The following MYRFL variants were observed in gnomAD, a reference collection of about 807,000 sequenced individuals.
MYRFL encodes myelin regulatory factor-like protein.
Under a neutral mutation model 109.4 loss-of-function variants are expected in MYRFL, and 88 were observed. The observed-to-expected ratio is 0.80, with a 90% CI of 0.68 to 0.96. MYRFL has a LOEUF of 0.96. MYRFL is among the 40% of genes least tolerant of loss of function. MYRFL has a pLI of 0.00. For synonymous variants in MYRFL, 324 were observed against 320.9 expected (o/e 1.01, Z -0.10); for missense variants, 957 against 954.9 (o/e 1.00, Z -0.03).
chr12:69,852,712 T>C (rs1289573121), intron 1 of MYRFL, among the ~76,000 whole-genome samples: 1 of 151,686 alleles, frequency 6.6e-6, no homozygotes, highest in Non-Finnish European at 1.5e-5. Flanking sequence ...GTCTCTGGTT[T>C]TCCTAGGCAG....
chr12:69,854,550 A>AT (rs1486904751), intron 1 of MYRFL, among the ~76,000 whole-genome samples: 2 of 151,762 alleles, frequency 1.3e-5, no homozygotes, highest in African/African-American at 2.4e-5. Flanking sequence ...TGTCTGGCTA[A>AT]TTTTTTTGTA....
At chr12:69,875,218 T>C (rs979689214) in intron 2 of MYRFL, among the ~76,000 whole-genome samples, 1 of 151,756 alleles carries the variant, frequency 6.6e-6, no homozygotes, top group Non-Finnish European at 1.5e-5. Context: ...CTCTGTTGTT[T>C]AGATGGGATG....
chr12:69,880,203 C>T lies in MYRFL; in HGVS notation c.467C>T (p.Ala156Val). ...PQQPLCHSPG[A>V]SLPPTKKRKC... ...TCGTTTTGGTGTCTTGATTTTAGAG[C>T]CTCATTGCCTCCAACCAAGAAGAGA... Residue 156 changes from alanine (A) to valine (V), a missense_variant and splice_region_variant, in exon 5 of 25, where the codon GCC becomes GTC. Transcript: ENST00000552032. 2.8e-6 allele frequency: 2 copies of T among 702,460 alleles called. No individual in the cohort carries two copies. The highest frequency in any genetic ancestry group is 5.2e-6 in the Non-Finnish European group (2 of 384,706). 43.5% of individuals were successfully genotyped at this position (702,460 alleles called of 1,614,324 possible). A position where few individuals can be genotyped will look rare whatever the true frequency, so the allele number is the denominator to read the frequency against.
At chr12:69,837,338 AC>A (rs1188314643) in intron 1 of MYRFL, among the ~76,000 whole-genome samples, 1 of 152,122 alleles carries the variant, frequency 6.6e-6, no homozygotes, top group African/African-American at 2.4e-5. Flanking sequence ...GCCACTGGCT[AC>A]CCAACTCCCT....
chr12:69,937,353 T>A (rs1401316443), intron 19 of MYRFL, among the ~76,000 whole-genome samples: 1 of 152,174 alleles, frequency 6.6e-6, no homozygotes, highest in African/African-American at 2.4e-5. Flanking sequence ...TACATATTAC[T>A]ATGGCTTATT....
chr12:69,955,653 C>T (rs888091398), intron 22 of MYRFL, among the ~76,000 whole-genome samples: 1 of 152,124 alleles, frequency 6.6e-6, no homozygotes, highest in Non-Finnish European at 1.5e-5. Flanking sequence ...GGGCTCTAAC[C>T]TCTATACCCA....
At chr12:69,849,484 G>T (rs185937839) in intron 1 of MYRFL, among the ~76,000 whole-genome samples, 11 of 152,146 alleles carry the variant, frequency 7.2e-5, no homozygotes, top group South Asian at 2.1e-4. Flanking sequence ...TCAGATTTTG[G>T]CATTCATTTT....
chr12:69,930,726 C>T (rs1035702402), intron 15 of MYRFL, among the ~76,000 whole-genome samples: 4 of 150,008 alleles, frequency 2.7e-5, no homozygotes, highest in Middle Eastern at 3.4e-3. Flanking sequence ...GTGGGAGGAT[C>T]GCTTGAGCCC....
chr12:69,936,386 A>G, intron 18 of MYRFL, 51 bp downstream of exon 18: 1 of 1,531,964 alleles, frequency 6.5e-7, no homozygotes, highest in Non-Finnish European at 8.7e-7. Flanking sequence ...GTGAACTGTT[A>G]ACAGAAGAAA....
Position 69,895,228 on chromosome 12 carries a change from G to A in MYRFL, c.981-143G>A, listed in dbSNP as rs527846579. 2.2e-4 allele frequency: 137 copies of A among 624,626 alleles called. 1 individual carries two copies. The East Asian group carries it at 3.4e-3, about 15-fold the overall frequency. The allele number at this position is 624,626 out of a possible 1,614,324, so 38.7% of individuals were successfully genotyped here. Reference sequence around the variant, plus strand: ...ATGCTGTGGATAGCAGTTAATAATCGGGGACTAGAATAAACTGTTCTCTCA... The same window carrying A: ...ATGCTGTGGATAGCAGTTAATAATCAGGGACTAGAATAAACTGTTCTCTCA... On this transcript the variant is annotated intron_variant, in intron 8 of 24. Transcript: ENST00000552032.
At chr12:69,905,539 C>T (rs940812945) in intron 11 of MYRFL, among the ~76,000 whole-genome samples, 1 of 152,138 alleles carries the variant, frequency 6.6e-6, no homozygotes, top group Admixed American at 6.5e-5. Context: ...TGGCAACCAC[C>T]AGCCCAGGAA....
At chr12:69,847,193 G>A (rs942908939) in intron 1 of MYRFL, among the ~76,000 whole-genome samples, 1 of 152,122 alleles carries the variant, frequency 6.6e-6, no homozygotes, top group African/African-American at 2.4e-5. Flanking sequence ...GGGCTCTGAA[G>A]GAAACTCACA....
intron 4 of MYRFL, 78 bp from the exon 5 acceptor site, chr12:69,880,123 T>C: frequency 1.5e-6 from 1 of 669,036 alleles, no homozygotes; most frequent in South Asian, 1.6e-5. Flanking sequence ...GCAGAGAGCC[T>C]GGGAGATTAA....
At chr12:69,891,473 G>C (rs1886798290) in intron 7 of MYRFL, among the ~76,000 whole-genome samples, 1 of 152,180 alleles carries the variant, frequency 6.6e-6, no homozygotes, top group South Asian at 2.1e-4. Context: ...CATGTGAACT[G>C]CTCTATGGGA....
At chr12:69,852,246 T>C (rs1411953749) in intron 1 of MYRFL, among the ~76,000 whole-genome samples, 1 of 152,172 alleles carries the variant, frequency 6.6e-6, no homozygotes, top group Non-Finnish European at 1.5e-5. Context: ...GTTTTTGCAA[T>C]GTTGTCTTTC....
rs535562753 is a variant in MYRFL at position 69,957,806 on chromosome 12, T to G, written c.2451-16T>G. ...CTGCTTTTTCAGGTGCTCTTTCTTTTCTTTGTCTCTTGAAGCACAACAGAG... is the reference window on the plus strand; with the variant it reads ...CTGCTTTTTCAGGTGCTCTTTCTTTGCTTTGTCTCTTGAAGCACAACAGAG... On this transcript the variant is annotated splice_polypyrimidine_tract_variant and intron_variant, in intron 22 of 24. Transcript: ENST00000552032. The G allele has an allele frequency of 1.9e-5, 29 of 1,510,784 alleles. No homozygotes were observed. In the South Asian group the frequency reaches 3.2e-4, roughly 17 times the overall value. 93.6% of individuals were successfully genotyped at this position (1,510,784 alleles called of 1,614,324 possible). A position where few individuals can be genotyped will look rare whatever the true frequency, so the allele number is the denominator to read the frequency against.
At chr12:69,936,674 G>A (rs897942407) in intron 19 of MYRFL, 42 bp downstream of exon 19, 2 of 1,433,474 alleles carry the variant, frequency 1.4e-6, no homozygotes, top group Non-Finnish European at 1.8e-6. Flanking sequence ...CTTTGAACTT[G>A]AGGTTGTTTT....
chr12:69,922,014 A>AG (rs1431639334), intron 13 of MYRFL, among the ~76,000 whole-genome samples: 1 of 152,138 alleles, frequency 6.6e-6, no homozygotes, highest in Non-Finnish European at 1.5e-5. Context: ...ATGGTTACCA[A>AG]GGGAAAAAAA....
chr12:69,936,103 T>G lies in MYRFL; in HGVS notation c.1917-10T>G. The stretch of plus-strand genomic sequence containing the variant: ...GTTTTTTTTTTTTTTTTTTTTTTTT[T>G]TTTTGACAGTGCTTTGACGATAGTT... On this transcript the variant is annotated splice_polypyrimidine_tract_variant and intron_variant, in intron 16 of 24. Coordinates refer to ENST00000552032, the MANE Select transcript of MYRFL (RefSeq NM_182530.3). 1.4e-6 allele frequency: 2 copies of G among 1,445,964 alleles called. No homozygotes were observed. Among genetic ancestry groups the G allele is most frequent in the African/African-American group, 1.5e-5 (1 of 67,730 alleles). The allele number at this position is 1,445,964 out of a possible 1,614,324, so 89.6% of individuals were successfully genotyped here.
Sources: gnomAD v4.1 joint callset for allele counts (sites outside exome capture counted in the v4.1 genomes callset) on GRCh38, gnomAD v4.1.1 for gene constraint, MANE v1.5 for transcripts, NCBI Gene and HGNC (gene_info 2026-07-23, HGNC 2026-07-21) for gene names.